The following WDFY2 variants were observed in gnomAD, a reference collection of about 807,000 sequenced individuals.
WDFY2 encodes the protein WD repeat and FYVE domain containing 2, also known as WD repeat and FYVE domain-containing protein 2.
In WDFY2, 36 loss-of-function variants were observed where a neutral mutation model predicts 56.4. The ratio of observed to expected loss-of-function variants is 0.64; its 90% confidence interval spans 0.49 to 0.84. WDFY2 has a LOEUF of 0.84. Among genes scored for constraint, WDFY2 ranks in the 40% least tolerant of loss-of-function variants. The probability of loss-of-function intolerance (pLI) is 0.00; values close to 1 mark genes in which losing one functional copy is unlikely to be tolerated. For missense variants in WDFY2, 444 were observed against 512.2 expected (o/e 0.87, Z 1.29); for synonymous variants, 176 against 183.7 (o/e 0.96, Z 0.34).
intron 1 of WDFY2, among the ~76,000 whole-genome samples, chr13:51,658,510 G>A (rs532994551): frequency 6.5e-4 from 99 of 152,344 alleles, no homozygotes; most frequent in African/African-American, 2.1e-3. Context: ...GCTGCCTGCC[G>A]TAGGGATGGG....
intron 3 of WDFY2, among the ~76,000 whole-genome samples, chr13:51,680,288 G>A (rs1955956025): frequency 6.6e-6 from 1 of 152,046 alleles, no homozygotes; most frequent in African/African-American, 2.4e-5. Flanking sequence ...TTTTTTCGTA[G>A]ATGGGGTCTC....
At chr13:51,751,275 C>T (rs752789157) in intron 7 of WDFY2, 35 bp from the exon 8 acceptor site, 4 of 1,604,050 alleles carry the variant, frequency 2.5e-6, no homozygotes, top group Non-Finnish European at 3.4e-6. Context: ...CATTTGTTCT[C>T]CTAAACTGTC....
chr13:51,711,066 G>A (rs1315115892), intron 4 of WDFY2, among the ~76,000 whole-genome samples: 1 of 152,264 alleles, frequency 6.6e-6, no homozygotes, highest in East Asian at 1.9e-4. Context: ...AACCAAAACA[G>A]CATGGTACTG....
chr13:51,644,404 CA>C (rs1955229504), intron 1 of WDFY2, among the ~76,000 whole-genome samples: 1 of 152,160 alleles, frequency 6.6e-6, no homozygotes. Context: ...CAATTAACCT[CA>C]TGTTGAGACT....
intron 7 of WDFY2, among the ~76,000 whole-genome samples, chr13:51,741,588 T>A (rs1952976017): frequency 6.6e-6 from 1 of 152,144 alleles, no homozygotes; most frequent in African/African-American, 2.4e-5. Context: ...AGGGAACAAC[T>A]TGCGCAGCCG....
chr13:51,660,451 C>A, intron 1 of WDFY2, 145 bp from the exon 2 acceptor site: 2 of 552,096 alleles, frequency 3.6e-6, no homozygotes, highest in Non-Finnish European at 6.4e-6. Context: ...ACGCCTACCT[C>A]GGCCTCTCAA....
chr13:51,705,062 C>T (rs931834504), intron 4 of WDFY2, among the ~76,000 whole-genome samples: 7 of 152,176 alleles, frequency 4.6e-5, no homozygotes, highest in African/African-American at 1.7e-4. Context: ...TGTGTGCTTG[C>T]TCTGATGAAA....
intron 1 of WDFY2, among the ~76,000 whole-genome samples, chr13:51,642,847 ATTTTTGTATTTTTAGAGATGGGG>A (rs545879244): frequency 2.6e-5 from 4 of 151,378 alleles, no homozygotes; most frequent in Non-Finnish European, 5.9e-5. Context: ...TACCCAGCTA[ATTTTTGTATTTTTAGAGATGGGG>A]TTTCACCATG....
At chr13:51,709,333 T>G (rs1952157887) in intron 4 of WDFY2, among the ~76,000 whole-genome samples, 2 of 152,200 alleles carry the variant, frequency 1.3e-5, no homozygotes, top group Non-Finnish European at 2.9e-5. Flanking sequence ...CTGATCAAAA[T>G]GGAATTGAAG....
intron 1 of WDFY2, among the ~76,000 whole-genome samples, chr13:51,638,804 A>C (rs553201676): frequency 2.8e-4 from 43 of 152,236 alleles, no homozygotes; most frequent in Non-Finnish European, 5.7e-4. Flanking sequence ...AATGATTTAC[A>C]TGTTATGCTT....
rs2138839941 is a variant in WDFY2, at chr13:51,766,362, C to T, written c.*6593C>T. The T allele has an allele frequency of 6.6e-6, 1 of 152,372 alleles. No individual in the cohort carries two copies. The highest frequency in any genetic ancestry group is 2.1e-4 in the South Asian group (1 of 4,822). 9.4% of individuals were successfully genotyped at this position (152,372 alleles called of 1,614,324 possible). A position where few individuals can be genotyped will look rare whatever the true frequency, so the allele number is the denominator to read the frequency against. ...ACACGGATCTTCCATTCTCTACATC[C>T]ACCGGACTGCAGCCCAAGTCTGGAC... On this transcript the variant is annotated 3_prime_UTR_variant, in exon 12 of 12. Transcript: ENST00000298125.
chr13:51,675,230 A>G lies in WDFY2; in HGVS notation c.266A>G (p.Asn89Ser). Residue 89 changes from asparagine to serine, a missense_variant, in exon 3 of 12, where the codon AAT (asparagine) becomes AGT (serine). Coordinates refer to ENST00000298125, the MANE Select transcript of WDFY2 (RefSeq NM_052950.4). ...AGAAGACTGTCCATAGGTCTAGACA[A>G]TGGTACAATCTCAGTAAGTACACAT... ...ETRRLSIGLD[N>S]GTISEFILSE... 1.2e-6 allele frequency: 2 copies of G among 1,613,560 alleles called. No homozygotes were observed.
intron 4 of WDFY2, among the ~76,000 whole-genome samples, chr13:51,714,175 A>T (rs1952291216): frequency 6.6e-6 from 1 of 152,056 alleles, no homozygotes. Context: ...GAAGTATCTG[A>T]AACATAGTTT....
rs1418034082 is a variant in WDFY2 at position 51,717,070 on chromosome 13, TTA to T, written c.335-2127_335-2126del. On this transcript the variant is annotated intron_variant, in intron 4 of 11. Coordinates refer to ENST00000298125, the MANE Select transcript of WDFY2 (RefSeq NM_052950.4). ...GGAAACCCTGCAGCTAACATCATCCTTAATGGTGAGAAAAGAGATGCTTTCCC... is the reference window on the plus strand; with the variant it reads ...GGAAACCCTGCAGCTAACATCATCCTATGGTGAGAAAAGAGATGCTTTCCC... Among the ~76,000 whole-genome samples the T allele has an allele frequency of 9.2e-5, 14 of 152,284 alleles. No homozygotes were observed. In the South Asian group the frequency reaches 2.9e-3, roughly 32 times the overall value.
intron 1 of WDFY2, among the ~76,000 whole-genome samples, chr13:51,627,614 C>T (rs890796312): frequency 6.6e-6 from 1 of 152,008 alleles, no homozygotes; most frequent in African/African-American, 2.4e-5. Context: ...GAACTCCTGA[C>T]GTCAGGTGGT....
In WDFY2 at chr13:51,615,352, TA is replaced by T. The variant is rs535477907; in HGVS notation, c.137+30538del. Among the ~76,000 whole-genome samples, 46 of 148,550 alleles carry T rather than the reference TA, an allele frequency of 3.1e-4. No individual in the cohort carries two copies. The South Asian group carries it at 3.8e-3, about 12-fold the overall frequency. ...AACAAATAATTAAATCAGTGCAAATTAAAAAAAAAACACTGAAACATCATTT... is the reference window on the plus strand; with the variant it reads ...AACAAATAATTAAATCAGTGCAAATTAAAAAAAAACACTGAAACATCATTT... On this transcript the variant is annotated intron_variant, in intron 1 of 11. Transcript: ENST00000298125.
intron 1 of WDFY2, among the ~76,000 whole-genome samples, chr13:51,653,453 G>A (rs573662795): frequency 2.4e-4 from 36 of 152,292 alleles, no homozygotes; most frequent in Admixed American, 1.5e-3. Context: ...GAGGAGCTGC[G>A]TTCCTTTGGA....
At chr13:51,659,264 G>C (rs542377529) in intron 1 of WDFY2, among the ~76,000 whole-genome samples, 1 of 152,232 alleles carries the variant, frequency 6.6e-6, no homozygotes, top group Non-Finnish European at 1.5e-5. Flanking sequence ...AGCTGGAGTG[G>C]GGCAGGTGGC....
intron 3 of WDFY2, among the ~76,000 whole-genome samples, chr13:51,697,985 C>T (rs1362008356): frequency 6.6e-6 from 1 of 152,164 alleles, no homozygotes; most frequent in Non-Finnish European, 1.5e-5. Flanking sequence ...ATGTGACAGG[C>T]ACTGCTTTAA....
Sources: allele counts gnomAD v4.1 joint callset (sites outside exome capture counted in the v4.1 genomes callset), GRCh38; gene constraint gnomAD v4.1.1; transcripts MANE v1.5; gene names NCBI Gene and HGNC (gene_info 2026-07-23, HGNC 2026-07-21).